The following RAP1GAP2 variants were observed in gnomAD, a reference collection of about 807,000 sequenced individuals.
RAP1GAP2 encodes the protein rap1 GTPase-activating protein 2.
RAP1GAP2 carries 27 observed loss-of-function variants against 95.0 expected under a neutral mutation model. The ratio of observed to expected loss-of-function variants is 0.28; its 90% CI spans 0.21 to 0.39. The LOEUF is 0.39. Ranked by LOEUF, RAP1GAP2 falls within the 10% of genes least tolerant of loss-of-function variation. The pLI, the probability that RAP1GAP2 is intolerant of heterozygous loss-of-function variation, is 1.00. For missense variants in RAP1GAP2, 771 were observed against 970.0 expected (o/e 0.79, Z 2.72); for synonymous variants, 373 against 380.9 (o/e 0.98, Z 0.24).
At chr17:2,877,186 G>T (rs1250363712) in intron 2 of RAP1GAP2, among the ~76,000 whole-genome samples, 7 of 152,108 alleles carry the variant, frequency 4.6e-5, no homozygotes, top group Non-Finnish European at 1.0e-4. Context: ...ACTGTGCCCA[G>T]CCTTGGTTTA....
chr17:2,855,621 T>C lies in RAP1GAP2; in HGVS notation c.81-49663T>C, dbSNP rs1442784320. Among the ~76,000 whole-genome samples the C allele has an allele frequency of 6.6e-6, 1 of 152,204 alleles. No homozygotes were observed. The highest frequency in any genetic ancestry group is 2.4e-5 in the African/African-American group (1 of 41,452). ...TTAATCTATTTTATTTATTTATTTATTTATTTTTGAGGAGGAGTCTCACTC... is the reference window on the plus strand; with the variant it reads ...TTAATCTATTTTATTTATTTATTTACTTATTTTTGAGGAGGAGTCTCACTC... On this transcript the variant is annotated intron_variant, in intron 2 of 24. Transcript: ENST00000254695. The surrounding 1 kb of genome is among the most constrained non-coding windows in gnomAD (Gnocchi z 4.3).
At chr17:2,888,881 T>C (rs1189788918) in intron 2 of RAP1GAP2, among the ~76,000 whole-genome samples, 1 of 151,806 alleles carries the variant, frequency 6.6e-6, no homozygotes, top group Non-Finnish European at 1.5e-5. Context: ...CAGGCTGGTC[T>C]TGAACTCCTG....
intron 2 of RAP1GAP2, among the ~76,000 whole-genome samples, chr17:2,847,133 C>T (rs2005673): frequency 0.037 from 5,605 of 152,250 alleles, 223 homozygotes; most frequent in South Asian, 0.1. Context: ...CTCAGCCTCC[C>T]GAGTAGCTGG....
chr17:2,780,135 C>T (rs745991258), intron 1 of RAP1GAP2, among the ~76,000 whole-genome samples: 27 of 152,300 alleles, frequency 1.8e-4, no homozygotes, highest in Non-Finnish European at 3.8e-4. Context: ...ACCGCAACCT[C>T]CGCCTCCTGG....
In RAP1GAP2 at chr17:2,876,388, G is replaced by A. The variant is rs1268360173; in HGVS notation, c.81-28896G>A. On this transcript the variant is annotated intron_variant, in intron 2 of 24. Transcript: ENST00000254695. ...CTACAGGTGGTTTTATACATTTTAGGGAGACGTGAGACATCAGTCCATCCA... is the reference window on the plus strand; with the variant it reads ...CTACAGGTGGTTTTATACATTTTAGAGAGACGTGAGACATCAGTCCATCCA... Among the ~76,000 whole-genome samples, 4 of 152,114 alleles carry A rather than the reference G, an allele frequency of 2.6e-5. No individual in the cohort carries two copies. The East Asian group carries it at 7.7e-4, about 29-fold the overall frequency.
In RAP1GAP2 at chr17:2,984,968, TGCCACA is replaced by T. The variant is rs1451726409; in HGVS notation, c.730-14_730-9del. 6 of 1,603,998 alleles carry T rather than the reference TGCCACA, an allele frequency of 3.7e-6. No individual in the cohort carries two copies. The highest frequency in any genetic ancestry group is 2.3e-5 in the South Asian group (2 of 88,362). On this transcript the variant is annotated splice_polypyrimidine_tract_variant and intron_variant, in intron 10 of 24. Coordinates refer to ENST00000254695, the MANE Select transcript of RAP1GAP2 (RefSeq NM_015085.5). ...TAACAAATGTTGATTTTTTTTTTCT[TGCCACA>T]TTTTCCAGGCCTCCCAAATGATTGT... is the stretch of plus-strand genomic sequence containing the variant.
chr17:2,967,988 G>A (rs78104186), intron 8 of RAP1GAP2, among the ~76,000 whole-genome samples: 3,639 of 150,650 alleles, frequency 0.024, 148 homozygotes, highest in African/African-American at 0.084. Context: ...TTTCAAGTTT[G>A]GATATAAAGA....
At chr17:2,795,482 C>T (rs1273051823), upstream of RAP1GAP2, among the ~76,000 whole-genome samples, 1 of 152,198 alleles carries the variant, frequency 6.6e-6, no homozygotes, top group Non-Finnish European at 1.5e-5. Flanking sequence ...ACGAACCCTG[C>T]GGTTCAGCTG....
At chr17:2,917,568 C>CCTGCTCATAAAA (rs1015743331) in intron 3 of RAP1GAP2, among the ~76,000 whole-genome samples, 1 of 151,848 alleles carries the variant, frequency 6.6e-6, no homozygotes, top group Non-Finnish European at 1.5e-5. Flanking sequence ...CCGTGCCCAG[C>CCTGCTCATAAAA]CATTTTTGGT....
At position 2,796,507 on chromosome 17, in the gene RAP1GAP2, C is replaced by A; in HGVS notation, c.-21C>A. On this transcript the variant is annotated 5_prime_UTR_variant, in exon 1 of 25. Transcript: ENST00000254695. This position sits in a 1 kb window ranked among gnomAD's most constrained non-coding sequence, Gnocchi z 4.7. ...ACGTCGTTGGGACATCGCTGGGACC[C>A]CGGGCTCTGCAGCCACAACCATGTT... 6.4e-7 allele frequency: 1 copy of A among 1,554,820 alleles called. No individual in the cohort carries two copies. Among genetic ancestry groups the A allele is most frequent in the Non-Finnish European group, 8.7e-7 (1 of 1,148,988 alleles).
intron 2 of RAP1GAP2, among the ~76,000 whole-genome samples, chr17:2,847,786 G>T (rs997490404): frequency 6.6e-6 from 1 of 152,156 alleles, no homozygotes; most frequent in Non-Finnish European, 1.5e-5. Context: ...GGACTGTGCT[G>T]TAGGCCACCC....
upstream of RAP1GAP2, among the ~76,000 whole-genome samples, chr17:2,775,589 TCATGATCCACAGGGTCAGGAGGC>T (rs1260530507): frequency 1.3e-5 from 2 of 151,712 alleles, no homozygotes; most frequent in Non-Finnish European, 2.9e-5. Context: ...TAGAGCAGAG[TCATGATCCACAGGGTCAGGAGGC>T]CATGACCCAC....
chr17:2,885,618 C>T (rs1317385513), intron 2 of RAP1GAP2, among the ~76,000 whole-genome samples: 1 of 152,202 alleles, frequency 6.6e-6, no homozygotes, highest in African/African-American at 2.4e-5. Context: ...CGCATCCCAC[C>T]ACGTACACTC....
Position 3,036,710 on chromosome 17 carries a change from C to A in RAP1GAP2, c.*3349C>A, listed in dbSNP as rs1351209019. The A allele has an allele frequency of 6.6e-6, 1 of 152,498 alleles. No homozygotes were observed. The highest frequency in any genetic ancestry group is 1.5e-5 in the Non-Finnish European group (1 of 68,036). 9.4% of individuals were successfully genotyped at this position (152,498 alleles called of 1,614,324 possible). Reference sequence around the variant, plus strand: ...TCACCCACCCTCAGCTTCCCTTTTCCTAAATTAAGAGGAAAAGTGGTCAAA... The same window carrying A: ...TCACCCACCCTCAGCTTCCCTTTTCATAAATTAAGAGGAAAAGTGGTCAAA... On this transcript the variant is annotated 3_prime_UTR_variant, in exon 25 of 25. Coordinates refer to ENST00000254695, the MANE Select transcript of RAP1GAP2 (RefSeq NM_015085.5).
At chr17:2,895,269 C>T (rs1015763475) in intron 2 of RAP1GAP2, among the ~76,000 whole-genome samples, 10 of 152,114 alleles carry the variant, frequency 6.6e-5, no homozygotes, top group African/African-American at 1.2e-4. Context: ...GGGAGGCAGG[C>T]GTCCACTCTG....
intron 3 of RAP1GAP2, among the ~76,000 whole-genome samples, chr17:2,916,350 G>A (rs2042566851): frequency 6.6e-6 from 1 of 152,176 alleles, no homozygotes. Flanking sequence ...GCTTAGACGT[G>A]GTCTCAGAAT....
chr17:2,841,663 A>AAG, intron 2 of RAP1GAP2, among the ~76,000 whole-genome samples: 1 of 152,188 alleles, frequency 6.6e-6, no homozygotes, highest in Non-Finnish European at 1.5e-5. Context: ...ATGTCAGAGA[A>AAG]ATGCTGAAGG....
intron 2 of RAP1GAP2, among the ~76,000 whole-genome samples, chr17:2,824,145 G>T (rs1237332974): frequency 1.5e-5 from 2 of 134,826 alleles, no homozygotes; most frequent in Admixed American, 1.6e-4. Flanking sequence ...AAGAAAGAAA[G>T]AAAAAAAGAA....
At chr17:2,901,996 C>T (rs2042039642) in intron 2 of RAP1GAP2, among the ~76,000 whole-genome samples, 1 of 152,334 alleles carries the variant, frequency 6.6e-6, no homozygotes, top group East Asian at 1.9e-4. Context: ...AAGCCGCAGA[C>T]ATTTATTATT....
Sources: gnomAD v4.1 joint callset for allele counts (sites outside exome capture counted in the v4.1 genomes callset) on GRCh38, gnomAD v4.1.1 for gene constraint, Gnocchi (gnomAD v3.1) non-coding constraint, MANE v1.5 for transcripts, NCBI Gene and HGNC (gene_info 2026-07-23, HGNC 2026-07-21) for gene names.